Variants in SH3BGRL2 observed in about 807,000 individuals in gnomAD.
The protein encoded by SH3BGRL2 is SH3 domain binding glutamate rich protein like 2, also known as SH3 domain-binding glutamic acid-rich-like protein 2.
Under a neutral mutation model 14.8 loss-of-function variants are expected in SH3BGRL2, and 21 were observed. The ratio of observed to expected loss-of-function variants is 1.42; its 90% CI spans 1.01 to 2.05. SH3BGRL2 has a LOEUF of 2.05. Among genes scored for constraint, SH3BGRL2 ranks in the 30% most tolerant of loss-of-function variants. The pLI is 0.00. For missense variants in SH3BGRL2, 147 were observed against 130.8 expected, an observed-to-expected ratio of 1.12 and a Z score of -0.61; for synonymous variants, 50 against 47.8, an observed-to-expected ratio of 1.05 and a Z score of -0.19.
At chr6:79,602,223 C>T in the SH3BGRL2 span, among the ~76,000 whole-genome samples, 2 of 152,082 alleles carry the variant, frequency 1.3e-5, no homozygotes, top group Non-Finnish European at 2.9e-5. Context: ...GGTCTGTGCC[C>T]TCATAGACCT....
the SH3BGRL2 span, among the ~76,000 whole-genome samples, chr6:79,544,397 T>G: frequency 6.6e-6 from 1 of 152,252 alleles, no homozygotes; most frequent in Non-Finnish European, 1.5e-5. Flanking sequence ...TAATCACTGC[T>G]GTGCTGGAGC....
the SH3BGRL2 span, among the ~76,000 whole-genome samples, chr6:79,576,824 A>T: frequency 2.6e-5 from 4 of 152,262 alleles, no homozygotes; most frequent in African/African-American, 9.6e-5. Flanking sequence ...TCCTCCTTTC[A>T]GTCGCTATAG....
chr6:79,590,455 A>ATATATATATATATATATATG, the SH3BGRL2 span, among the ~76,000 whole-genome samples: 30 of 116,154 alleles, frequency 2.6e-4, 3 homozygotes, highest in East Asian at 4.4e-3. Context: ...ATATATATAT[A>ATATATATATATATATATATG]TATATATATG....
At chr6:79,622,263 A>G in the SH3BGRL2 span, among the ~76,000 whole-genome samples, 1 of 152,144 alleles carries the variant, frequency 6.6e-6, no homozygotes, top group Non-Finnish European at 1.5e-5. Flanking sequence ...AGTGCTGCAG[A>G]ATTCATTTCC....
chr6:79,585,021 A>C, the SH3BGRL2 span, among the ~76,000 whole-genome samples: 1 of 149,184 alleles, frequency 6.7e-6, no homozygotes, highest in African/African-American at 2.5e-5. Flanking sequence ...TATTTTATGT[A>C]CCATTAAGAA....
At chr6:79,651,901 G>C (rs1388967952) in intron 1 of SH3BGRL2, among the ~76,000 whole-genome samples, 3 of 152,184 alleles carry the variant, frequency 2.0e-5, no homozygotes, top group Non-Finnish European at 4.4e-5. Context: ...TTTTGGGCTA[G>C]ATAACTCATT....
chr6:79,671,455 A>G (rs563225121), intron 1 of SH3BGRL2, among the ~76,000 whole-genome samples: 1 of 152,214 alleles, frequency 6.6e-6, no homozygotes. Context: ...GTCTCAAAAC[A>G]AAACAAAACA....
At chr6:79,573,674 T>G in the SH3BGRL2 span, among the ~76,000 whole-genome samples, 1 of 152,182 alleles carries the variant, frequency 6.6e-6, no homozygotes, top group Non-Finnish European at 1.5e-5. Flanking sequence ...GCTTATAAAT[T>G]TTTCTTAAAG....
chr6:79,566,358 G>A, the SH3BGRL2 span, among the ~76,000 whole-genome samples: 142 of 152,196 alleles, frequency 9.3e-4, no homozygotes, highest in Non-Finnish European at 1.4e-3. Context: ...TTCAAATAGG[G>A]CCGCCTTCAA....
chr6:79,571,872 C>T, the SH3BGRL2 span, among the ~76,000 whole-genome samples: 26 of 152,042 alleles, frequency 1.7e-4, no homozygotes, highest in East Asian at 4.6e-3. Flanking sequence ...TGAGGTTTAC[C>T]CATAATGATC....
Position 79,703,364 on chromosome 6 carries a change from T to C in SH3BGRL2, c.*3855T>C, listed in dbSNP as rs1331868491. The C allele has an allele frequency of 6.6e-6, 1 of 152,206 alleles. No homozygotes were observed. The highest frequency in any genetic ancestry group is 1.5e-5 in the Non-Finnish European group (1 of 68,044). The allele number at this position is 152,206 out of a possible 1,614,324, so 9.4% of individuals were successfully genotyped here. Reference sequence around the variant, plus strand: ...TTTTTGTTATAAGCCATTTGAATTTTTAAAAAATTTCATACATGCAATGGA... The same window carrying C: ...TTTTTGTTATAAGCCATTTGAATTTCTAAAAAATTTCATACATGCAATGGA... On this transcript the variant is annotated 3_prime_UTR_variant, in exon 4 of 4. Coordinates refer to ENST00000369838, the MANE Select transcript of SH3BGRL2 (RefSeq NM_031469.4).
At chr6:79,542,681 GGTTGGAAGGTGGGAGTTAGGGAGAA>G in the SH3BGRL2 span, among the ~76,000 whole-genome samples, 2 of 152,188 alleles carry the variant, frequency 1.3e-5, no homozygotes, top group African/African-American at 2.4e-5. Flanking sequence ...TTTAGGGAGA[GGTTGGAAGGTGGGAGTTAGGGAGAA>G]GTTCCTTCTC....
chr6:79,606,589 G>A, the SH3BGRL2 span, among the ~76,000 whole-genome samples: 2 of 152,138 alleles, frequency 1.3e-5, no homozygotes, highest in African/African-American at 4.8e-5. Context: ...AATGTCACAG[G>A]TTACTGTGTC....
intron 1 of SH3BGRL2, among the ~76,000 whole-genome samples, chr6:79,643,572 A>C (rs1252890567): frequency 6.6e-6 from 1 of 152,212 alleles, no homozygotes; most frequent in Non-Finnish European, 1.5e-5. Flanking sequence ...ATTTCGTGAT[A>C]ATAATAATGA....
Position 79,637,414 on chromosome 6 carries a change from CG to C in SH3BGRL2, c.45+5911del, listed in dbSNP as rs1305034901. ...ATTTATTTGAAAATCAAAATGTGGC[CG>C]GGCACAGTGGCTCATACCTGTAATC... On this transcript the variant is annotated intron_variant, in intron 1 of 3. Transcript: ENST00000369838. 2.6e-5 allele frequency among the ~76,000 whole-genome samples: 4 copies of C among 152,052 alleles called. No individual in the cohort carries two copies. The East Asian group carries it at 7.7e-4, about 29-fold the overall frequency.
the SH3BGRL2 span, among the ~76,000 whole-genome samples, chr6:79,592,867 T>G: frequency 6.6e-6 from 1 of 152,296 alleles, no homozygotes; most frequent in Non-Finnish European, 1.5e-5. Flanking sequence ...TTTCTGAGCT[T>G]CTGTAGCCAG....
At chr6:79,567,909 A>G in the SH3BGRL2 span, among the ~76,000 whole-genome samples, 3 of 152,202 alleles carry the variant, frequency 2.0e-5, no homozygotes, top group Non-Finnish European at 4.4e-5. Context: ...CACAGAAACC[A>G]ATAGGAAATG....
At chr6:79,537,654 T>TGCCAGGGCTCGACTGCTGAGCGTC in the SH3BGRL2 span, among the ~76,000 whole-genome samples, 9 of 152,172 alleles carry the variant, frequency 5.9e-5, no homozygotes, top group African/African-American at 2.2e-4. Flanking sequence ...GGCTGTGCGG[T>TGCCAGGGCTCGACTGCTGAGCGTC]GCCAGGGCTC....
the SH3BGRL2 span, among the ~76,000 whole-genome samples, chr6:79,594,465 A>G: frequency 6.6e-6 from 1 of 152,174 alleles, no homozygotes; most frequent in Non-Finnish European, 1.5e-5. Context: ...AAGGATAGGT[A>G]CAAGTAAATT....
Sources: allele counts gnomAD v4.1 joint callset (sites outside exome capture counted in the v4.1 genomes callset), GRCh38; gene constraint gnomAD v4.1.1; transcripts MANE v1.5; gene names NCBI Gene and HGNC (gene_info 2026-07-23, HGNC 2026-07-21).